Variants in ZNF804B observed in about 807,000 individuals in gnomAD.
ZNF804B encodes the protein zinc finger protein 804B.
ZNF804B carries 80 observed loss-of-function variants against 101.4 expected under a neutral mutation model. The observed-to-expected ratio is 0.79, with a 90% CI of 0.66 to 0.95. ZNF804B has a LOEUF of 0.95. ZNF804B is among the 40% of genes least tolerant of loss of function. The probability of loss-of-function intolerance (pLI) is 0.00; values close to 1 mark genes in which losing one functional copy is unlikely to be tolerated. For missense variants in ZNF804B, 1,673 were observed against 1,561.9 expected, an observed-to-expected ratio of 1.07 and a Z score of -1.20; for synonymous variants, 622 against 558.8, an observed-to-expected ratio of 1.11 and a Z score of -1.59.
chr7:88,935,881 G>C (rs1036171172), intron 1 of ZNF804B, among the ~76,000 whole-genome samples: 1 of 151,422 alleles, frequency 6.6e-6, no homozygotes, highest in East Asian at 1.9e-4. Flanking sequence ...TTCTTTTCTT[G>C]TTTCCTTTTC....
chr7:89,228,271 G>C (rs368745767), intron 2 of ZNF804B, among the ~76,000 whole-genome samples: 1 of 152,146 alleles, frequency 6.6e-6, no homozygotes, highest in East Asian at 1.9e-4. Flanking sequence ...TGCAAAGAGC[G>C]CAAGAACAAA....
At chr7:88,863,087 A>T (rs571074395) in intron 1 of ZNF804B, among the ~76,000 whole-genome samples, 2 of 152,240 alleles carry the variant, frequency 1.3e-5, no homozygotes, top group South Asian at 4.1e-4. Context: ...TTCTAGCTTC[A>T]TCTTGTACTA....
At chr7:89,326,189 C>T (rs1228833383) in intron 2 of ZNF804B, among the ~76,000 whole-genome samples, 2 of 151,748 alleles carry the variant, frequency 1.3e-5, no homozygotes, top group African/African-American at 4.8e-5. Flanking sequence ...AGGTTGAGTC[C>T]ACTGTTCTCC....
intron 1 of ZNF804B, among the ~76,000 whole-genome samples, chr7:88,915,982 T>C (rs1207759043): frequency 6.6e-6 from 1 of 152,010 alleles, no homozygotes; most frequent in African/African-American, 2.4e-5. Flanking sequence ...ATGTATATTT[T>C]GAGTGAATAC....
At chr7:89,311,451 G>T (rs1402896835) in intron 2 of ZNF804B, among the ~76,000 whole-genome samples, 2 of 151,910 alleles carry the variant, frequency 1.3e-5, no homozygotes, top group African/African-American at 4.8e-5. Context: ...ATTCTCCATG[G>T]TATAGACTGT....
At chr7:89,109,966 T>C (rs1203266685) in intron 1 of ZNF804B, among the ~76,000 whole-genome samples, 6 of 152,052 alleles carry the variant, frequency 3.9e-5, no homozygotes, top group Non-Finnish European at 7.4e-5. Context: ...CCCAGTAATA[T>C]GAAGGTGGAT....
intron 2 of ZNF804B, among the ~76,000 whole-genome samples, chr7:89,294,226 G>A (rs7798893): frequency 0.25 from 38,561 of 151,960 alleles, 5,025 homozygotes; most frequent in Admixed American, 0.29. Flanking sequence ...CTGCATTTTA[G>A]GTAAAAACCA....
intron 1 of ZNF804B, among the ~76,000 whole-genome samples, chr7:88,964,101 C>T (rs1375165784): frequency 6.6e-6 from 1 of 151,354 alleles, no homozygotes; most frequent in East Asian, 2.0e-4. Context: ...AATGGTGCAG[C>T]TGCTGTGGAT....
chr7:88,888,675 A>C (rs1229830035), intron 1 of ZNF804B, among the ~76,000 whole-genome samples: 9 of 152,110 alleles, frequency 5.9e-5, no homozygotes, highest in Non-Finnish European at 1.3e-4. Flanking sequence ...ACAATGAAAA[A>C]ATTTCATTAT....
chr7:89,015,496 C>T (rs1277759422), intron 1 of ZNF804B, among the ~76,000 whole-genome samples: 1 of 151,934 alleles, frequency 6.6e-6, no homozygotes, highest in East Asian at 1.9e-4. Flanking sequence ...CTCCCCCCAC[C>T]CCACAACAGT....
intron 1 of ZNF804B, among the ~76,000 whole-genome samples, chr7:89,170,859 C>T (rs943558519): frequency 1.3e-5 from 2 of 152,206 alleles, no homozygotes; most frequent in East Asian, 1.9e-4. Flanking sequence ...CTTCACACTT[C>T]GCAGATGGGT....
At chr7:89,128,296 T>G (rs967288616) in intron 1 of ZNF804B, among the ~76,000 whole-genome samples, 3 of 151,954 alleles carry the variant, frequency 2.0e-5, no homozygotes, top group Non-Finnish European at 4.4e-5. Flanking sequence ...TTGCTGGATC[T>G]TCATTAATAA....
chr7:89,142,672 G>T (rs926651648), intron 1 of ZNF804B, among the ~76,000 whole-genome samples: 1 of 151,972 alleles, frequency 6.6e-6, no homozygotes, highest in Non-Finnish European at 1.5e-5. Flanking sequence ...AATGGTTCTG[G>T]CACCCATTCA....
intron 1 of ZNF804B, among the ~76,000 whole-genome samples, chr7:89,067,991 A>G (rs1350773083): frequency 6.6e-6 from 1 of 150,890 alleles, no homozygotes; most frequent in East Asian, 1.9e-4. Context: ...TCTTTTTTTG[A>G]GAGTGTTTAT....
chr7:88,854,551 C>G (rs1330594296), intron 1 of ZNF804B, among the ~76,000 whole-genome samples: 1 of 120,816 alleles, frequency 8.3e-6, no homozygotes, highest in African/African-American at 3.4e-5. Context: ...TCCTTCCTTC[C>G]TTCCTTCCTT....
intron 2 of ZNF804B, among the ~76,000 whole-genome samples, chr7:89,305,450 GGTGTAATTTTGAGTAGGTA>G (rs1424355068): frequency 3.3e-5 from 5 of 151,904 alleles, no homozygotes; most frequent in African/African-American, 1.2e-4. Context: ...AAAAGAGGCT[GGTGTAATTTTGAGTAGGTA>G]GTGTCTCTGT....
intron 1 of ZNF804B, among the ~76,000 whole-genome samples, chr7:89,079,177 G>A (rs1789657744): frequency 6.6e-6 from 1 of 152,034 alleles, no homozygotes; most frequent in African/African-American, 2.4e-5. Context: ...TTGTGAATGA[G>A]GGATAAGATA....
In ZNF804B at chr7:88,834,613, T is replaced by C. The variant is rs545862941; in HGVS notation, c.108+74529T>C. Reference sequence around the variant, plus strand: ...TTGGCGTGATGGTATTATGGGTTTTTATATTTGTCAAAATTTATTGAACTA... The same window carrying C: ...TTGGCGTGATGGTATTATGGGTTTTCATATTTGTCAAAATTTATTGAACTA... On this transcript the variant is annotated intron_variant, in intron 1 of 3. Coordinates refer to ENST00000333190, the MANE Select transcript of ZNF804B (RefSeq NM_181646.5). Among the ~76,000 whole-genome samples, 220 of 151,466 alleles carry C rather than the reference T, an allele frequency of 1.5e-3. 1 individual carries two copies. The highest frequency in any genetic ancestry group is 8.3e-3 in the South Asian group (40 of 4,816).
At chr7:89,150,859 A>G (rs1431399545) in intron 1 of ZNF804B, among the ~76,000 whole-genome samples, 2 of 152,080 alleles carry the variant, frequency 1.3e-5, no homozygotes, top group Admixed American at 1.3e-4. Context: ...TTTGGATGGT[A>G]TACAGATATT....
Sources: gnomAD v4.1 joint callset for allele counts (sites outside exome capture counted in the v4.1 genomes callset) on GRCh38, gnomAD v4.1.1 for gene constraint, MANE v1.5 for transcripts, NCBI Gene and HGNC (gene_info 2026-07-23, HGNC 2026-07-21) for gene names.